CAPN13: variants seen among roughly 807,000 people sequenced by gnomAD.
The protein encoded by CAPN13 is calpain 13, also known as calpain-13.
A neutral mutation model predicts 98.4 loss-of-function variants in CAPN13; 90 were observed. The ratio of observed to expected loss-of-function variants is 0.92; its 90% CI spans 0.77 to 1.09. The LOEUF (loss-of-function observed/expected upper bound fraction) is 1.09. CAPN13 is among the 50% of genes least tolerant of loss of function. The pLI is 0.00. For synonymous variants in CAPN13, 330 were observed against 305.5 expected (o/e 1.08, Z -0.84); for missense variants, 887 against 841.3 (o/e 1.05, Z -0.67).
intron 6 of CAPN13, 38 bp downstream of exon 6, chr2:30,764,084 GGCTGAGGAAA>G: frequency 2.0e-6 from 3 of 1,518,420 alleles, no homozygotes; most frequent in Non-Finnish European, 2.7e-6. Context: ...GAGCATTCCT[GGCTGAGGAAA>G]GCTTGAACTG....
At chr2:30,760,767 T>C (rs1415762395) in intron 7 of CAPN13, among the ~76,000 whole-genome samples, 1 of 152,176 alleles carries the variant, frequency 6.6e-6, no homozygotes, top group Non-Finnish European at 1.5e-5. Flanking sequence ...CTATTGGCGC[T>C]CGCATGGGCC....
chr2:30,732,421 C>T lies in CAPN13; in HGVS notation c.1927+17G>A. 6.2e-7 allele frequency: 1 copy of T among 1,612,774 alleles called. No individual in the cohort carries two copies. The highest frequency in any genetic ancestry group is 8.5e-7 in the Non-Finnish European group (1 of 1,179,762). On this transcript the variant is annotated intron_variant, in intron 20 of 22. Transcript: ENST00000295055. ...GTCACTGCCAAGGTCTCTGGGATGCCCCTTGGGGACACTTACTTGCCATGG... is the reference window on the plus strand; with the variant it reads ...GTCACTGCCAAGGTCTCTGGGATGCTCCTTGGGGACACTTACTTGCCATGG...
chr2:30,787,218 C>T lies in CAPN13; in HGVS notation c.108G>A (p.Lys36=). The T allele has an allele frequency of 6.2e-7, 1 of 1,609,860 alleles. No individual in the cohort carries two copies. Among genetic ancestry groups the T allele is most frequent in the South Asian group, 1.1e-5 (1 of 89,672 alleles). Residue 36 remains lysine, a synonymous_variant, in exon 2 of 23, where the codon AAG becomes AAA. Coordinates refer to ENST00000295055, the MANE Select transcript of CAPN13 (RefSeq NM_144575.3). ...DHCLSMGRTF[K]DETFPAADSS... ...AATCTGCTGCAGGGAATGTCTCATC[C>T]TTAAACGTCCGGCCCATGCTCAGGC...
chr2:30,796,912 A>G (rs570057563), intron 1 of CAPN13, among the ~76,000 whole-genome samples: 7 of 152,170 alleles, frequency 4.6e-5, no homozygotes, highest in Non-Finnish European at 7.4e-5. Context: ...GGCACTCTCA[A>G]TGGTATCTGA....
At chr2:30,763,908 A>G (rs1430352682) in intron 6 of CAPN13, among the ~76,000 whole-genome samples, 1 of 152,228 alleles carries the variant, frequency 6.6e-6, no homozygotes, top group East Asian at 1.9e-4. Flanking sequence ...CACCTTAGGT[A>G]GCCTCTCTGA....
At chr2:30,740,947 G>A (rs567171707) in intron 15 of CAPN13, among the ~76,000 whole-genome samples, 2 of 152,284 alleles carry the variant, frequency 1.3e-5, no homozygotes, top group East Asian at 1.9e-4. Context: ...AGAAATGACT[G>A]AGCACCTCCT....
At chr2:30,739,980 A>G (rs1671567356) in intron 15 of CAPN13, among the ~76,000 whole-genome samples, 1 of 152,100 alleles carries the variant, frequency 6.6e-6, no homozygotes, top group African/African-American at 2.4e-5. Flanking sequence ...CCCAGAGTCT[A>G]AGTGGATCCT....
intron 4 of CAPN13, among the ~76,000 whole-genome samples, chr2:30,775,480 G>C (rs1466569818): frequency 6.6e-6 from 1 of 151,742 alleles, no homozygotes; most frequent in Non-Finnish European, 1.5e-5. Flanking sequence ...AAAAAAAATA[G>C]ACAAAATAAT....
chr2:30,786,921 G>T (rs143613749), intron 2 of CAPN13, among the ~76,000 whole-genome samples: 94 of 152,296 alleles, frequency 6.2e-4, no homozygotes, highest in African/African-American at 2.2e-3. Context: ...TGTTAGAACT[G>T]GGTTAGAACT....
At chr2:30,726,478 A>C (rs1471997915) in intron 22 of CAPN13, among the ~76,000 whole-genome samples, 1 of 152,186 alleles carries the variant, frequency 6.6e-6, no homozygotes, top group African/African-American at 2.4e-5. Flanking sequence ...GAATATATAA[A>C]ATTCTAAGGA....
At chr2:30,760,677 AG>A (rs1214011299) in intron 7 of CAPN13, among the ~76,000 whole-genome samples, 2 of 152,248 alleles carry the variant, frequency 1.3e-5, no homozygotes, top group Non-Finnish European at 1.5e-5. Flanking sequence ...GTTCAGAGTT[AG>A]AACTGCCTCT....
intron 7 of CAPN13, among the ~76,000 whole-genome samples, chr2:30,758,788 T>TCCTCCC (rs368811690): frequency 2.4e-5 from 1 of 41,936 alleles, no homozygotes; most frequent in Non-Finnish European, 4.3e-5. Flanking sequence ...CTCCCTCCCT[T>TCCTCCC]TCCTTTCCTT....
chr2:30,738,580 G>T, intron 15 of CAPN13, 123 bp from the exon 16 acceptor site: 1 of 1,037,358 alleles, frequency 9.6e-7, no homozygotes, highest in Non-Finnish European at 1.5e-6. Context: ...TACCCATCTT[G>T]CCCTCGTCAT....
chr2:30,736,765 A>G, intron 17 of CAPN13, 194 bp from the exon 18 acceptor site: 2 of 590,674 alleles, frequency 3.4e-6, no homozygotes, highest in South Asian at 4.1e-5. Flanking sequence ...TACAAAGAAA[A>G]ATGGGCAATT....
chr2:30,738,176 G>T (rs754515745), intron 17 of CAPN13, 59 bp downstream of exon 17: 1 of 1,579,304 alleles, frequency 6.3e-7, no homozygotes, highest in African/African-American at 1.3e-5. Context: ...TAGGTCTCTG[G>T]GGAAGCCCAC....
intron 2 of CAPN13, among the ~76,000 whole-genome samples, chr2:30,783,109 T>G (rs1478836759): frequency 6.6e-6 from 1 of 152,194 alleles, no homozygotes; most frequent in Non-Finnish European, 1.5e-5. Context: ...GGTAGTTAAA[T>G]GAAATATTGC....
chr2:30,739,351 T>C (rs187376372), intron 15 of CAPN13, among the ~76,000 whole-genome samples: 1 of 152,156 alleles, frequency 6.6e-6, no homozygotes, highest in African/African-American at 2.4e-5. Flanking sequence ...GGGTGCCTCC[T>C]GGGGGTCTTC....
In CAPN13 at chr2:30,760,122, G is replaced by A. The variant is rs185617493; in HGVS notation, c.775-1985C>T. The stretch of plus-strand genomic sequence containing the variant: ...TTTTGAGATGGAGTCTTGCTGGGTC[G>A]CCCAGGCTGGAGTGCAGTGGCACGA... On this transcript the variant is annotated intron_variant, in intron 7 of 22. Coordinates refer to ENST00000295055, the MANE Select transcript of CAPN13 (RefSeq NM_144575.3). Among the ~76,000 whole-genome samples, 577 of 152,160 alleles carry A rather than the reference G, an allele frequency of 3.8e-3. 3 individuals are homozygous for A. The highest frequency in any genetic ancestry group is 6.3e-3 in the Non-Finnish European group (427 of 68,002).
Position 30,751,156 on chromosome 2 carries a change from A to T in CAPN13, c.1183T>A (p.Ser395Thr). The change falls in exon 11 of 23, where the codon TCA becomes ACA. Residue 395 changes from serine (S) to threonine (T), a missense_variant. Physicochemically the swap from Ser to Thr is moderately conservative, Grantham distance 58. Transcript: ENST00000295055. ...VVCVTVAVTP[S>T]NLKAEDAKFP... ...TTTGCATCTTCTGCTTTCAAATTTG[A>T]TGGTGTGACAGCAACTGTGACGCAC... The T allele has an allele frequency of 6.2e-7, 1 of 1,613,842 alleles. No individual in the cohort carries two copies. The highest frequency in any genetic ancestry group is 8.5e-7 in the Non-Finnish European group (1 of 1,179,830).
Sources: allele counts gnomAD v4.1 joint callset (sites outside exome capture counted in the v4.1 genomes callset), GRCh38; gene constraint gnomAD v4.1.1; transcripts MANE v1.5; gene names NCBI Gene and HGNC (gene_info 2026-07-23, HGNC 2026-07-21).